Variants in AUTS2 observed in about 807,000 individuals in gnomAD.
AUTS2 encodes autism susceptibility gene 2 protein.
In AUTS2, 17 loss-of-function variants were observed where a neutral mutation model predicts 112.4. The observed-to-expected ratio is 0.15, with a 90% CI of 0.10 to 0.23. The LOEUF is 0.23. AUTS2 is among the 10% of genes least tolerant of loss of function. The probability of loss-of-function intolerance (pLI) is 1.00; values close to 1 mark genes in which losing one functional copy is unlikely to be tolerated. For synonymous variants in AUTS2, 751 were observed against 702.7 expected (o/e 1.07, Z -1.09); for missense variants, 1,510 against 1,701.6 (o/e 0.89, Z 1.98).
intron 5 of AUTS2, among the ~76,000 whole-genome samples, chr7:70,640,000 C>T (rs1805728900): frequency 6.6e-6 from 1 of 152,144 alleles, no homozygotes; most frequent in South Asian, 2.1e-4. Flanking sequence ...GAAAACATTA[C>T]GGTATGTCAT....
chr7:69,958,631 G>C (rs901515753), intron 2 of AUTS2, among the ~76,000 whole-genome samples: 1 of 152,094 alleles, frequency 6.6e-6, no homozygotes, highest in South Asian at 2.1e-4. Context: ...TTCTCTCTGG[G>C]CCTGTTTCAG....
At chr7:70,018,073 G>A (rs1800110284) in intron 2 of AUTS2, among the ~76,000 whole-genome samples, 1 of 151,908 alleles carries the variant, frequency 6.6e-6, no homozygotes, top group African/African-American at 2.4e-5. Context: ...AAGCATCCCA[G>A]AATCAAACCA....
At chr7:70,042,868 G>A (rs1334246377) in intron 2 of AUTS2, among the ~76,000 whole-genome samples, 1 of 152,094 alleles carries the variant, frequency 6.6e-6, no homozygotes, top group Non-Finnish European at 1.5e-5. Context: ...AAACCTACAT[G>A]CTTCTTATAG....
chr7:69,961,094 T>C (rs1449936757), intron 2 of AUTS2, among the ~76,000 whole-genome samples: 4 of 152,156 alleles, frequency 2.6e-5, no homozygotes, highest in Non-Finnish European at 5.9e-5. Context: ...GTTCGCTAAC[T>C]CCTCAGTATG....
At chr7:70,670,694 CAG>C (rs1481037316) in intron 5 of AUTS2, among the ~76,000 whole-genome samples, 3 of 152,200 alleles carry the variant, frequency 2.0e-5, no homozygotes, top group Admixed American at 6.5e-5. Context: ...TACAGCTTTT[CAG>C]AGTCTCAAGG....
chr7:70,432,184 C>A (rs1795699701), intron 4 of AUTS2, among the ~76,000 whole-genome samples: 1 of 152,134 alleles, frequency 6.6e-6, no homozygotes, highest in Non-Finnish European at 1.5e-5. Flanking sequence ...AAAGCAGGAC[C>A]CCGATGTCAA....
At chr7:70,188,434 T>G (rs541205326) in intron 4 of AUTS2, among the ~76,000 whole-genome samples, 23 of 152,278 alleles carry the variant, frequency 1.5e-4, no homozygotes, top group African/African-American at 5.3e-4. Context: ...CGTGTGTGAA[T>G]AATTGTAGGA....
chr7:69,978,904 ACACACG>A (rs1378646997), intron 2 of AUTS2, among the ~76,000 whole-genome samples: 5 of 149,840 alleles, frequency 3.3e-5, no homozygotes, highest in Non-Finnish European at 7.4e-5. Flanking sequence ...ACACACACGC[ACACACG>A]CACACACACA....
chr7:70,318,192 AG>A (rs932601780), intron 4 of AUTS2, among the ~76,000 whole-genome samples: 54 of 152,262 alleles, frequency 3.5e-4, no homozygotes, highest in African/African-American at 1.2e-3. Context: ...TTGTAGGAGA[AG>A]GGTTGGCGAG....
intron 5 of AUTS2, among the ~76,000 whole-genome samples, chr7:70,563,250 C>T (rs1221624795): frequency 1.3e-5 from 2 of 152,114 alleles, no homozygotes; most frequent in Non-Finnish European, 2.9e-5. Flanking sequence ...GGTCCTCCCT[C>T]GTAGTGAGGG....
intron 4 of AUTS2, among the ~76,000 whole-genome samples, chr7:70,192,878 A>C (rs1809977156): frequency 6.6e-6 from 1 of 152,192 alleles, no homozygotes; most frequent in Non-Finnish European, 1.5e-5. Context: ...AAAATGATAA[A>C]GGGAGCCTCC....
In AUTS2 at chr7:69,786,363, T is replaced by C. The variant is rs991556019; in HGVS notation, c.310-112923T>C. 4.6e-5 allele frequency among the ~76,000 whole-genome samples: 7 copies of C among 152,228 alleles called. No homozygotes were observed. In the South Asian group the frequency reaches 6.2e-4, roughly 14 times the overall value. On this transcript the variant is annotated intron_variant, in intron 1 of 18. Coordinates refer to ENST00000342771, the MANE Select transcript of AUTS2 (RefSeq NM_015570.4). ...TGTAAAAACGCACCAGTCAGCGCTC[T>C]GTGTCTAGCTAAAGGATTGTAAACG...
At chr7:70,082,018 G>A (rs1411674794) in intron 2 of AUTS2, among the ~76,000 whole-genome samples, 2 of 151,618 alleles carry the variant, frequency 1.3e-5, no homozygotes, top group Admixed American at 1.3e-4. Flanking sequence ...GAGTGTGTGT[G>A]CCTGTGTGTG....
intron 5 of AUTS2, among the ~76,000 whole-genome samples, chr7:70,451,136 G>A (rs1016231679): frequency 1.3e-5 from 2 of 152,086 alleles, no homozygotes; most frequent in Admixed American, 6.5e-5. Context: ...CAGAACACTG[G>A]GATTTTGTCT....
intron 4 of AUTS2, among the ~76,000 whole-genome samples, chr7:70,356,682 G>A (rs2129625031): frequency 6.6e-6 from 1 of 152,250 alleles, no homozygotes; most frequent in African/African-American, 2.4e-5. Context: ...TGCTGTGTAG[G>A]TACTTTTTTT....
intron 5 of AUTS2, among the ~76,000 whole-genome samples, chr7:70,581,547 G>GA (rs1272813308): frequency 3.3e-5 from 5 of 151,088 alleles, no homozygotes; most frequent in Admixed American, 6.6e-5. Flanking sequence ...CTGTTTCAAA[G>GA]AAAAAAAAAT....
At chr7:70,495,382 A>G (rs560303652) in intron 5 of AUTS2, among the ~76,000 whole-genome samples, 25 of 152,168 alleles carry the variant, frequency 1.6e-4, no homozygotes, top group African/African-American at 5.5e-4. Context: ...TACTTGGTCA[A>G]CCACTGCAAG....
Position 70,446,333 on chromosome 7 carries a change from C to T in AUTS2, c.690+10552C>T, listed in dbSNP as rs556761738. ...AGTGTTTATCGGCCGGAGTGCGTGC[C>T]GGCTGAGCTGATTACGGCACAACAC... is the stretch of plus-strand genomic sequence containing the variant. On this transcript the variant is annotated intron_variant, in intron 5 of 18. Coordinates refer to ENST00000342771, the MANE Select transcript of AUTS2 (RefSeq NM_015570.4). Among the ~76,000 whole-genome samples the T allele has an allele frequency of 4.6e-5, 7 of 152,264 alleles. No homozygotes were observed. The East Asian group carries it at 5.8e-4, about 13-fold the overall frequency.
intron 1 of AUTS2, among the ~76,000 whole-genome samples, chr7:69,692,982 T>A (rs1797411311): frequency 6.6e-6 from 1 of 152,198 alleles, no homozygotes; most frequent in Non-Finnish European, 1.5e-5. Context: ...CACCTTAATT[T>A]TGAGAAAAAG....
Sources: allele counts gnomAD v4.1 joint callset (sites outside exome capture counted in the v4.1 genomes callset), GRCh38; gene constraint gnomAD v4.1.1; transcripts MANE v1.5; gene names NCBI Gene and HGNC (gene_info 2026-07-23, HGNC 2026-07-21).